The following GREB1 variants were observed in gnomAD, a reference collection of about 807,000 sequenced individuals.
GREB1 encodes the protein growth regulating estrogen receptor binding 1.
In GREB1, 106 loss-of-function variants were observed where a neutral mutation model predicts 200.7. The ratio of observed to expected loss-of-function variants is 0.53; its 90% CI spans 0.45 to 0.62. The LOEUF (loss-of-function observed/expected upper bound fraction) is 0.62, where lower values mean the gene tolerates loss of function less well. Among genes scored for constraint, GREB1 ranks in the 20% least tolerant of loss-of-function variants. The pLI is 0.00. For synonymous variants in GREB1, 1,132 were observed against 1,092.4 expected (o/e 1.04, Z -0.72); for missense variants, 2,243 against 2,556.8 (o/e 0.88, Z 2.65).
chr2:11,594,408 G>A (rs947871008), intron 11 of GREB1, among the ~76,000 whole-genome samples: 2 of 150,330 alleles, frequency 1.3e-5, no homozygotes, highest in Non-Finnish European at 2.9e-5. Flanking sequence ...AGGCTGGAAT[G>A]CAGTGGTGCA....
chr2:11,585,411 A>C, intron 8 of GREB1, 137 bp downstream of exon 8: 1 of 617,574 alleles, frequency 1.6e-6, no homozygotes, highest in Non-Finnish European at 2.8e-6. Flanking sequence ...AGTTCTAAGG[A>C]GGCAGAGTTT....
rs373459796 is a variant in GREB1, at chr2:11,640,378, G to A, written c.5774G>A (p.Arg1925Gln). 11 of 1,614,084 alleles carry A rather than the reference G, an allele frequency of 6.8e-6. No homozygotes were observed. In the East Asian group the frequency reaches 1.3e-4, roughly 20 times the overall value. Residue 1925 changes from arginine to glutamine, a missense_variant, in exon 33 of 33, where the codon CGG becomes CAG. By Grantham distance (43) the Arg-to-Gln change is conservative. Transcript: ENST00000381486. This position sits in a 1 kb window ranked among gnomAD's most constrained non-coding sequence, Gnocchi z 4.6. The stretch of plus-strand genomic sequence containing the variant: ...GAGCTCGAGGACGAGTGGCAGTTCC[G>A]GCTGCGCGATGAGTTCCAGACCGCC... ...RLELEDEWQFRLRDEFQTANA... is the reference protein window; with the variant it reads ...RLELEDEWQFQLRDEFQTANA...
At chr2:11,631,805 A>G in intron 26 of GREB1, 104 bp from the exon 27 acceptor site, 1 of 860,118 alleles carries the variant, frequency 1.2e-6, no homozygotes, top group Non-Finnish European at 1.9e-6. Context: ...CAGTGTAGGC[A>G]TGGTCATCAT....
At chr2:11,582,526 G>T (rs1032102913) in intron 7 of GREB1, among the ~76,000 whole-genome samples, 2 of 152,228 alleles carry the variant, frequency 1.3e-5, no homozygotes, top group African/African-American at 4.8e-5. Context: ...GTTAGTTCAG[G>T]GGGCACCTGC....
intron 19 of GREB1, among the ~76,000 whole-genome samples, chr2:11,612,934 T>C (rs1380700253): frequency 6.6e-6 from 1 of 152,176 alleles, no homozygotes; most frequent in Non-Finnish European, 1.5e-5. Flanking sequence ...GGGCGCTCTG[T>C]GTGTGCTGGG....
intron 5 of GREB1, among the ~76,000 whole-genome samples, chr2:11,576,736 G>A (rs1678898418): frequency 6.6e-6 from 1 of 152,220 alleles, no homozygotes; most frequent in African/African-American, 2.4e-5. Context: ...TGGATGGGAT[G>A]TTTAAAAGTC....
chr2:11,508,422 G>T (rs1012322160), intron 1 of GREB1, among the ~76,000 whole-genome samples: 2 of 152,214 alleles, frequency 1.3e-5, no homozygotes, highest in Non-Finnish European at 2.9e-5. Context: ...AGCGCCCTGC[G>T]TGGGTCTTCA....
At chr2:11,488,839 T>TATCTG (rs1672716878) in intron 1 of GREB1, among the ~76,000 whole-genome samples, 1 of 144,122 alleles carries the variant, frequency 6.9e-6, no homozygotes, top group African/African-American at 2.6e-5. Flanking sequence ...AGATAAAATC[T>TATCTG]ATCTGAACTG....
chr2:11,593,483 T>A (rs1188073551), intron 11 of GREB1, among the ~76,000 whole-genome samples: 3 of 152,182 alleles, frequency 2.0e-5, no homozygotes, highest in Non-Finnish European at 4.4e-5. Context: ...GTTGTCTGTG[T>A]TCAGGAGCCA....
chr2:11,495,143 G>T (rs1672853439), intron 1 of GREB1, among the ~76,000 whole-genome samples: 1 of 152,150 alleles, frequency 6.6e-6, no homozygotes, highest in Non-Finnish European at 1.5e-5. Context: ...TCTTTCTATA[G>T]ACATATTGCT....
chr2:11,620,902 C>T lies in GREB1; in HGVS notation c.4045-3C>T. On this transcript the variant is annotated splice_region_variant and splice_polypyrimidine_tract_variant and intron_variant, in intron 22 of 32. Transcript: ENST00000381486. Reference sequence around the variant, plus strand: ...GGGGGTTTTAACTCCTATACCTTTACAGATCGGGAAGACAGGTGCCTACCT... The same window carrying T: ...GGGGGTTTTAACTCCTATACCTTTATAGATCGGGAAGACAGGTGCCTACCT... The T allele has an allele frequency of 1.3e-6, 2 of 1,594,396 alleles. No individual in the cohort carries two copies. The highest frequency in any genetic ancestry group is 2.2e-5 in the East Asian group (1 of 44,804).
intron 9 of GREB1, chr2:11,588,301 G>T: frequency 9.0e-7 from 1 of 1,112,204 alleles, no homozygotes; most frequent in Non-Finnish European, 1.1e-6. Context: ...TTGCCAGACA[G>T]CCCTGGGAGA....
intron 1 of GREB1, among the ~76,000 whole-genome samples, chr2:11,545,440 A>T (rs186736628): frequency 4.6e-5 from 7 of 152,316 alleles, no homozygotes; most frequent in Admixed American, 3.3e-4. Flanking sequence ...CCAATCAGCA[A>T]CTTTCTATGG....
chr2:11,586,679 A>T (rs1235794946), intron 9 of GREB1, among the ~76,000 whole-genome samples: 3 of 152,226 alleles, frequency 2.0e-5, no homozygotes, highest in Non-Finnish European at 4.4e-5. Flanking sequence ...ATGCTTGTAG[A>T]TAGAGTAGAG....
At position 11,629,101 on chromosome 2, in the gene GREB1, G is replaced by C. The variant is rs915510481; in HGVS notation, c.4450-847G>C. On this transcript the variant is annotated intron_variant, in intron 25 of 32. Coordinates refer to ENST00000381486, the MANE Select transcript of GREB1 (RefSeq NM_014668.4). The surrounding 1 kb of genome is among the most constrained non-coding windows in gnomAD (Gnocchi z 5.2). ...TTTCTCCCTCATCTCTGCTCCCAAAGAAAGGGCTCTGTGGGTCTAGAAGAG... is the reference window on the plus strand; with the variant it reads ...TTTCTCCCTCATCTCTGCTCCCAAACAAAGGGCTCTGTGGGTCTAGAAGAG... Among the ~76,000 whole-genome samples the C allele has an allele frequency of 1.3e-5, 2 of 152,172 alleles. No homozygotes were observed. The highest frequency in any genetic ancestry group is 4.8e-5 in the African/African-American group (2 of 41,432).
At chr2:11,555,657 T>A (rs1038958300) in intron 1 of GREB1, among the ~76,000 whole-genome samples, 2 of 152,212 alleles carry the variant, frequency 1.3e-5, no homozygotes, top group African/African-American at 4.8e-5. Flanking sequence ...TGATTCCATT[T>A]ATACAAAGTA....
chr2:11,628,876 G>C (rs759636767), intron 25 of GREB1, among the ~76,000 whole-genome samples: 1 of 152,188 alleles, frequency 6.6e-6, no homozygotes, highest in Non-Finnish European at 1.5e-5. Flanking sequence ...AGTGGAAGAG[G>C]AGCATGCCTG....
At chr2:11,553,235 G>A (rs1005574019) in intron 1 of GREB1, among the ~76,000 whole-genome samples, 4 of 152,032 alleles carry the variant, frequency 2.6e-5, no homozygotes, top group African/African-American at 4.8e-5. Flanking sequence ...TTTACTGGGC[G>A]GGCATGGTGG....
Position 11,584,503 on chromosome 2 carries a change from T to A in GREB1, c.902-658T>A, listed in dbSNP as rs981308103. On this transcript the variant is annotated intron_variant, in intron 7 of 32. Coordinates refer to ENST00000381486, the MANE Select transcript of GREB1 (RefSeq NM_014668.4). ...CCGCCTGTCTGCACAAACATATTTC[T>A]CTCTTCCAGCCCTTCAGAAGTGTAT... Among the ~76,000 whole-genome samples the A allele has an allele frequency of 1.1e-4, 16 of 152,280 alleles. 1 individual carries two copies. The highest frequency in any genetic ancestry group is 6.8e-3 in the Middle Eastern group (2 of 294).
Sources: allele counts gnomAD v4.1 joint callset (sites outside exome capture counted in the v4.1 genomes callset), GRCh38; gene constraint gnomAD v4.1.1; non-coding constraint Gnocchi (gnomAD v3.1); transcripts MANE v1.5; gene names NCBI Gene and HGNC (gene_info 2026-07-23, HGNC 2026-07-21).